The following FGD4 variants were observed in gnomAD, a reference collection of about 807,000 sequenced individuals.
FGD4 encodes FYVE, RhoGEF and PH domain-containing protein 4.
A neutral mutation model predicts 102.0 loss-of-function variants in FGD4; 42 were observed. The ratio of observed to expected loss-of-function variants is 0.41; its 90% CI spans 0.32 to 0.53. The LOEUF is 0.53. FGD4 is among the 20% of genes least tolerant of loss of function. The probability of loss-of-function intolerance (pLI) is 0.21; values close to 1 mark genes in which losing one functional copy is unlikely to be tolerated. For missense variants in FGD4, 902 were observed against 1,078.2 expected (o/e 0.84, Z 2.29); for synonymous variants, 380 against 375.7 (o/e 1.01, Z -0.13).
intron 1 of FGD4, among the ~76,000 whole-genome samples, chr12:32,401,330 G>A (rs892180708): frequency 2.0e-5 from 3 of 152,206 alleles, no homozygotes; most frequent in East Asian, 1.9e-4. Context: ...CATGAACTCA[G>A]ATCACTGCAA....
At chr12:32,572,782 G>T (rs568231595) in intron 2 of FGD4, among the ~76,000 whole-genome samples, 2 of 152,238 alleles carry the variant, frequency 1.3e-5, no homozygotes, top group Admixed American at 6.5e-5. Context: ...GCTATGCAAA[G>T]GATTTACTGG....
At chr12:32,486,236 A>G in intron 1 of FGD4, 2 of 1,171,198 alleles carry the variant, frequency 1.7e-6, no homozygotes, top group African/African-American at 3.1e-5. Flanking sequence ...AGATGAGGTC[A>G]CTGGTATTTC....
intron 8 of FGD4, among the ~76,000 whole-genome samples, 170 bp downstream of exon 8, chr12:32,608,265 G>A (rs899313248): frequency 1.3e-5 from 2 of 152,164 alleles, no homozygotes; most frequent in African/African-American, 2.4e-5. Flanking sequence ...AGTCACTTTT[G>A]AGCCAAAATG....
chr12:32,418,782 G>A (rs1353402798), intron 1 of FGD4, among the ~76,000 whole-genome samples: 1 of 152,174 alleles, frequency 6.6e-6, no homozygotes, highest in Non-Finnish European at 1.5e-5. Context: ...AGCCAGGTTT[G>A]TGCCCTTCCC....
chr12:32,643,719 C>T lies in FGD4; in HGVS notation c.*3186C>T, dbSNP rs1051399100. ...TCTAGTTATAAATATATAAAGAAAACGATAAAGTTTGTGGTACTGCAGGGT... is the reference window on the plus strand; with the variant it reads ...TCTAGTTATAAATATATAAAGAAAATGATAAAGTTTGTGGTACTGCAGGGT... On this transcript the variant is annotated 3_prime_UTR_variant, in exon 17 of 17. Coordinates refer to ENST00000534526, the MANE Select transcript of FGD4 (RefSeq NM_001370298.3). 6.6e-6 allele frequency: 1 copy of T among 150,858 alleles called. No individual in the cohort carries two copies. Among genetic ancestry groups the T allele is most frequent in the East Asian group, 1.9e-4 (1 of 5,144 alleles). The allele number at this position is 150,858 out of a possible 1,614,324, so 9.3% of individuals were successfully genotyped here.
chr12:32,601,239 A>G, intron 5 of FGD4, 39 bp from the exon 6 acceptor site: 2 of 1,599,838 alleles, frequency 1.3e-6, no homozygotes, highest in Non-Finnish European at 1.7e-6. Context: ...TGGTTAACCA[A>G]TAAATGTGAA....
intron 15 of FGD4, among the ~76,000 whole-genome samples, chr12:32,636,173 G>A (rs770718883): frequency 1.4e-4 from 21 of 151,990 alleles, no homozygotes; most frequent in Non-Finnish European, 2.9e-4. Flanking sequence ...TGGCTCATGG[G>A]CCATACAAAA....
At chr12:32,604,018 A>G (rs1475150292) in intron 7 of FGD4, among the ~76,000 whole-genome samples, 1 of 152,110 alleles carries the variant, frequency 6.6e-6, no homozygotes, top group Non-Finnish European at 1.5e-5. Flanking sequence ...CACTTTGAAT[A>G]TGTCATTCTC....
At chr12:32,553,310 G>T (rs991126029) in intron 1 of FGD4, among the ~76,000 whole-genome samples, 7 of 152,160 alleles carry the variant, frequency 4.6e-5, no homozygotes, top group Admixed American at 1.3e-4. Context: ...TGTTCTAACA[G>T]AATTCTAACT....
chr12:32,526,957 T>C (rs147484746), intron 1 of FGD4, among the ~76,000 whole-genome samples: 2,240 of 152,284 alleles, frequency 0.015, 30 homozygotes, highest in Non-Finnish European at 0.025. Context: ...TAAATTTACT[T>C]ATCCATATTC....
chr12:32,426,911 T>G (rs961298385), intron 1 of FGD4, among the ~76,000 whole-genome samples: 2 of 151,940 alleles, frequency 1.3e-5, no homozygotes, highest in Admixed American at 6.6e-5. Flanking sequence ...AGTGGTGATA[T>G]CCCCTTTATC....
chr12:32,412,649 G>C (rs143956170), intron 1 of FGD4, among the ~76,000 whole-genome samples: 2 of 151,976 alleles, frequency 1.3e-5, no homozygotes, highest in African/African-American at 2.4e-5. Context: ...TCGCGCCATC[G>C]CCAGGCTGGA....
chr12:32,639,294 G>T (rs961977324), intron 16 of FGD4, among the ~76,000 whole-genome samples: 7 of 151,986 alleles, frequency 4.6e-5, no homozygotes, highest in Admixed American at 2.0e-4. Context: ...CTCCCGAGTA[G>T]CTGGGATTAC....
At chr12:32,627,409 C>T (rs1950249802) in intron 14 of FGD4, among the ~76,000 whole-genome samples, 1 of 152,186 alleles carries the variant, frequency 6.6e-6, no homozygotes, top group Admixed American at 6.5e-5. Flanking sequence ...CCACCTCGGC[C>T]TCCCAAAGTG....
At chr12:32,416,455 GA>G (rs1319591936) in intron 1 of FGD4, among the ~76,000 whole-genome samples, 3 of 152,044 alleles carry the variant, frequency 2.0e-5, no homozygotes, top group Non-Finnish European at 4.4e-5. Context: ...TAGTGAAGAT[GA>G]TTTTCTCCAA....
intron 1 of FGD4, among the ~76,000 whole-genome samples, chr12:32,464,352 C>T (rs543166553): frequency 3.3e-5 from 5 of 152,120 alleles, no homozygotes; most frequent in East Asian, 1.9e-4. Context: ...AGGGTTTCAC[C>T]GTGTTGCCCA....
intron 7 of FGD4, among the ~76,000 whole-genome samples, chr12:32,605,460 C>A (rs1476751549): frequency 6.6e-6 from 1 of 151,992 alleles, no homozygotes; most frequent in Non-Finnish European, 1.5e-5. Flanking sequence ...CTTCTACATT[C>A]TTCTTTCTTT....
At chr12:32,406,357 C>T (rs977105901) in intron 1 of FGD4, among the ~76,000 whole-genome samples, 3 of 151,792 alleles carry the variant, frequency 2.0e-5, no homozygotes, top group Non-Finnish European at 4.4e-5. Flanking sequence ...AGTTTGAGAC[C>T]AGCCTGGCCA....
chr12:32,415,280 T>A (rs1941360550), intron 1 of FGD4, among the ~76,000 whole-genome samples: 1 of 152,178 alleles, frequency 6.6e-6, no homozygotes, highest in Admixed American at 6.5e-5. Flanking sequence ...TCATAAATAC[T>A]TATTAGGTTC....
Sources: allele counts gnomAD v4.1 joint callset (sites outside exome capture counted in the v4.1 genomes callset), GRCh38; gene constraint gnomAD v4.1.1; transcripts MANE v1.5; gene names NCBI Gene and HGNC (gene_info 2026-07-23, HGNC 2026-07-21).